Variants in BCL11A observed in about 807,000 individuals in gnomAD.
BCL11A encodes the protein B cell CLL/lymphoma 11A.
Under a neutral mutation model 55.9 loss-of-function variants are expected in BCL11A, and 2 were observed. That is an observed-to-expected ratio of 0.04 (90% CI 0.01 to 0.11). The LOEUF is 0.11. Ranked by LOEUF, BCL11A falls within the 10% of genes least tolerant of loss-of-function variation. The pLI is 1.00. For missense variants in BCL11A, 817 were observed against 1,137.1 expected (o/e 0.72, Z 4.05); for synonymous variants, 465 against 473.4 (o/e 0.98, Z 0.23).
At chr2:60,501,369 C>T (rs555401739) in intron 2 of BCL11A, among the ~76,000 whole-genome samples, 50 of 152,214 alleles carry the variant, frequency 3.3e-4, no homozygotes, top group African/African-American at 1.2e-3. Context: ...AGCCATGGTC[C>T]TTTGGGGGAA....
At chr2:60,465,984 G>A (rs916175353) in intron 3 of BCL11A, among the ~76,000 whole-genome samples, 1 of 152,280 alleles carries the variant, frequency 6.6e-6, no homozygotes. Context: ...TATGAGCTCT[G>A]GAAGCCAGGG....
chr2:60,486,704 T>C (rs1187274435), intron 2 of BCL11A, among the ~76,000 whole-genome samples: 1 of 152,202 alleles, frequency 6.6e-6, no homozygotes, highest in Admixed American at 6.5e-5. Flanking sequence ...GGCCTGAAAC[T>C]TCTCTCAGGA....
chr2:60,538,735 CTCTCTGTGTGTGTGTGTGTGTGTG>C (rs1669780292), intron 2 of BCL11A, among the ~76,000 whole-genome samples: 1 of 69,260 alleles, frequency 1.4e-5, no homozygotes, highest in African/African-American at 4.5e-5. Flanking sequence ...CTCTCTCTCT[CTCTCTGTGTGTGTGTGTGTGTGTG>C]TGTGTGTGTG....
intron 2 of BCL11A, among the ~76,000 whole-genome samples, chr2:60,515,950 C>T (rs1288454905): frequency 6.6e-6 from 1 of 152,188 alleles, no homozygotes; most frequent in Non-Finnish European, 1.5e-5. Flanking sequence ...CTCTGGGCAC[C>T]GCTGGGCCAA....
intron 2 of BCL11A, among the ~76,000 whole-genome samples, chr2:60,506,710 C>T (rs1260251382): frequency 4.6e-5 from 7 of 152,236 alleles, no homozygotes; most frequent in Non-Finnish European, 8.8e-5. Flanking sequence ...CAGCCCCCCG[C>T]ATGTTTCCTC....
intron 2 of BCL11A, among the ~76,000 whole-genome samples, chr2:60,519,267 G>A (rs115780642): frequency 3.3e-5 from 5 of 152,252 alleles, no homozygotes; most frequent in Middle Eastern, 3.4e-3. Flanking sequence ...GGCATTTTGC[G>A]GTCTTTTTGA....
downstream of BCL11A, chr2:60,452,537 G>T (rs756558789): frequency 7.2e-6 from 11 of 1,532,854 alleles, no homozygotes; most frequent in African/African-American, 1.4e-5. Context: ...CGACTGGGCG[G>T]CACGCGTCCA....
chr2:60,531,624 T>C (rs73932594), intron 2 of BCL11A, among the ~76,000 whole-genome samples: 2,078 of 152,268 alleles, frequency 0.014, 40 homozygotes, highest in African/African-American at 0.047. Context: ...TCCATACACT[T>C]TGGCAGGACT....
At chr2:60,470,520 G>A (rs774832473) in intron 2 of BCL11A, among the ~76,000 whole-genome samples, 12 of 152,158 alleles carry the variant, frequency 7.9e-5, no homozygotes, top group African/African-American at 2.9e-4. Context: ...CAGCATAAAC[G>A]CAACAGGTAC....
intron 2 of BCL11A, chr2:60,526,860 C>T (rs1399119381): frequency 6.6e-6 from 1 of 152,234 alleles, no homozygotes; most frequent in Non-Finnish European, 1.5e-5. Flanking sequence ...TCTGCCCAGC[C>T]AACGCATTCT....
At chr2:60,488,234 G>C (rs960460987) in intron 2 of BCL11A, among the ~76,000 whole-genome samples, 3 of 152,186 alleles carry the variant, frequency 2.0e-5, no homozygotes, top group Non-Finnish European at 2.9e-5. Flanking sequence ...AAAGATACCT[G>C]AGTCATGATT....
At chr2:60,517,657 G>C (rs1311422200) in intron 2 of BCL11A, among the ~76,000 whole-genome samples, 1 of 152,248 alleles carries the variant, frequency 6.6e-6, no homozygotes, top group Non-Finnish European at 1.5e-5. Flanking sequence ...GGCCATGTGC[G>C]ATTGGTACAG....
intron 2 of BCL11A, among the ~76,000 whole-genome samples, chr2:60,540,625 T>C (rs1448787617): frequency 6.6e-6 from 1 of 152,230 alleles, no homozygotes; most frequent in Non-Finnish European, 1.5e-5. Context: ...GCATGTTTTT[T>C]ATGTACCCCA....
At chr2:60,538,774 TG>T (rs1669788719) in intron 2 of BCL11A, among the ~76,000 whole-genome samples, 3 of 151,414 alleles carry the variant, frequency 2.0e-5, no homozygotes, top group African/African-American at 7.3e-5. Context: ...TGTGTGTGTG[TG>T]TGTGTGTGTA....
At chr2:60,465,867 G>A (rs771652933) in intron 3 of BCL11A, among the ~76,000 whole-genome samples, 30 of 152,138 alleles carry the variant, frequency 2.0e-4, no homozygotes, top group Non-Finnish European at 3.8e-4. Context: ...CACCCCGAAC[G>A]GCTTCCAGAG....
intron 2 of BCL11A, among the ~76,000 whole-genome samples, chr2:60,540,344 G>A (rs1456973910): frequency 2.6e-5 from 4 of 152,182 alleles, no homozygotes; most frequent in Non-Finnish European, 5.9e-5. Flanking sequence ...TGGGCTTGGG[G>A]TAAATTTTGT....
Position 60,553,228 on chromosome 2 carries a change from G to A in BCL11A, c.43C>T (p.Arg15Trp). Residue 15 changes from arginine to tryptophan, a missense_variant, in exon 1 of 4, where the codon CGG (arginine) becomes TGG (tryptophan). Physicochemically the swap from Arg to Trp is moderately radical, Grantham distance 101. Coordinates refer to ENST00000642384, the MANE Select transcript of BCL11A (RefSeq NM_022893.4). ...KQGKPQHLSK[R>W]EFSPEPLEAI... ...TTGGGTTACTTACGCGAGAATTCCC[G>A]TTTGCTTAAGTGCTGGGGTTTGCCT... 1 of 1,601,346 alleles carries A rather than the reference G, an allele frequency of 6.2e-7. No homozygotes were observed. Among genetic ancestry groups the A allele is most frequent in the Non-Finnish European group, 8.5e-7 (1 of 1,175,992 alleles).
At chr2:60,523,162 T>C (rs923678269) in intron 2 of BCL11A, among the ~76,000 whole-genome samples, 7 of 152,080 alleles carry the variant, frequency 4.6e-5, no homozygotes, top group Non-Finnish European at 8.8e-5. Flanking sequence ...TCACAGAAAA[T>C]ACACTCATGG....
intron 2 of BCL11A, among the ~76,000 whole-genome samples, chr2:60,475,755 C>G (rs1302240148): frequency 1.3e-5 from 2 of 152,100 alleles, no homozygotes; most frequent in African/African-American, 4.8e-5. Flanking sequence ...AGCCTTGCCT[C>G]TATCCGAGGT....
Sources: allele counts gnomAD v4.1 joint callset (sites outside exome capture counted in the v4.1 genomes callset), GRCh38; gene constraint gnomAD v4.1.1; transcripts MANE v1.5; gene names NCBI Gene and HGNC (gene_info 2026-07-23, HGNC 2026-07-21).